Variants in SH3BGRL2 observed in about 807,000 individuals in gnomAD.
SH3BGRL2 encodes the protein SH3 domain-binding glutamic acid-rich-like protein 2.
SH3BGRL2 carries 21 observed loss-of-function variants against 14.8 expected under a neutral mutation model. That is an observed-to-expected ratio of 1.42 (90% CI 1.01 to 2.05). The LOEUF (loss-of-function observed/expected upper bound fraction) is 2.05, where lower values mean the gene tolerates loss of function less well. SH3BGRL2 is among the 30% of genes most tolerant of loss of function. SH3BGRL2 has a pLI of 0.00. For missense variants in SH3BGRL2, 147 were observed against 130.8 expected (o/e 1.12, Z -0.61); for synonymous variants, 50 against 47.8 (o/e 1.05, Z -0.19).
the SH3BGRL2 span, among the ~76,000 whole-genome samples, chr6:79,548,504 G>A: frequency 6.6e-6 from 1 of 152,156 alleles, no homozygotes; most frequent in Non-Finnish European, 1.5e-5. Flanking sequence ...TATGCTGGCA[G>A]CACTACATGT....
At chr6:79,571,688 AC>A in the SH3BGRL2 span, among the ~76,000 whole-genome samples, 2 of 152,164 alleles carry the variant, frequency 1.3e-5, no homozygotes, top group East Asian at 3.9e-4. Flanking sequence ...AAGTCCCTTT[AC>A]CTTCATGGCA....
At chr6:79,691,344 T>G (rs1033634981) in intron 2 of SH3BGRL2, among the ~76,000 whole-genome samples, 21 of 151,946 alleles carry the variant, frequency 1.4e-4, no homozygotes, top group Admixed American at 1.1e-3. Flanking sequence ...TTTTGTTTTT[T>G]TTTGTTTTTT....
intron 2 of SH3BGRL2, among the ~76,000 whole-genome samples, chr6:79,680,856 T>C (rs2127735456): frequency 6.6e-6 from 1 of 152,330 alleles, no homozygotes; most frequent in East Asian, 1.9e-4. Flanking sequence ...TAATTTTCTG[T>C]TTCAATTATT....
At chr6:79,538,480 C>T in the SH3BGRL2 span, among the ~76,000 whole-genome samples, 1 of 152,056 alleles carries the variant, frequency 6.6e-6, no homozygotes, top group Non-Finnish European at 1.5e-5. Context: ...TTTCTGTATG[C>T]GAAATACATC....
At chr6:79,699,016 C>G (rs1390078223) in intron 3 of SH3BGRL2, among the ~76,000 whole-genome samples, 2 of 151,956 alleles carry the variant, frequency 1.3e-5, no homozygotes, top group Non-Finnish European at 2.9e-5. Flanking sequence ...GAGCAGGCCA[C>G]AGAGGCCCCC....
chr6:79,630,514 C>T (rs1206692546), upstream of SH3BGRL2, among the ~76,000 whole-genome samples: 3 of 152,088 alleles, frequency 2.0e-5, no homozygotes, highest in Non-Finnish European at 2.9e-5. Flanking sequence ...TTAACAGCAT[C>T]CTCCTGGGAA....
chr6:79,562,486 A>G, the SH3BGRL2 span, among the ~76,000 whole-genome samples: 1 of 152,156 alleles, frequency 6.6e-6, no homozygotes, highest in Non-Finnish European at 1.5e-5. Flanking sequence ...GAGACTTAAA[A>G]ATCTCAGTGT....
the SH3BGRL2 span, among the ~76,000 whole-genome samples, chr6:79,590,779 C>A: frequency 6.6e-6 from 1 of 151,982 alleles, no homozygotes; most frequent in Non-Finnish European, 1.5e-5. Context: ...GAGCATCATG[C>A]AGTATACCCA....
chr6:79,580,266 T>G, the SH3BGRL2 span, among the ~76,000 whole-genome samples: 3 of 152,212 alleles, frequency 2.0e-5, no homozygotes, highest in African/African-American at 4.8e-5. Context: ...ATCCAGGACC[T>G]GAACTCAGCT....
chr6:79,631,566 C>A (rs1345746586), intron 1 of SH3BGRL2, 60 bp downstream of exon 1: 2 of 1,301,406 alleles, frequency 1.5e-6, no homozygotes, highest in East Asian at 5.9e-5. Flanking sequence ...CTGCGGGAGG[C>A]GCGCGGCGCT....
chr6:79,545,110 A>C, the SH3BGRL2 span, among the ~76,000 whole-genome samples: 29 of 152,300 alleles, frequency 1.9e-4, no homozygotes, highest in Admixed American at 1.1e-3. Flanking sequence ...AGCTGGCCTC[A>C]TGTCTCCCTG....
the SH3BGRL2 span, among the ~76,000 whole-genome samples, chr6:79,573,233 A>G: frequency 6.7e-6 from 1 of 149,720 alleles, no homozygotes; most frequent in Non-Finnish European, 1.5e-5. Context: ...TCATCTCAGC[A>G]GTATTTATTA....
chr6:79,550,667 AC>A, the SH3BGRL2 span, among the ~76,000 whole-genome samples: 2 of 152,208 alleles, frequency 1.3e-5, no homozygotes, highest in Non-Finnish European at 2.9e-5. Flanking sequence ...TTGAGTACTT[AC>A]GTCTACAGGA....
chr6:79,581,723 C>T, the SH3BGRL2 span, among the ~76,000 whole-genome samples: 1 of 152,128 alleles, frequency 6.6e-6, no homozygotes, highest in Non-Finnish European at 1.5e-5. Context: ...CCTTTGAAAA[C>T]CGGCACAAAA....
At chr6:79,609,048 AACC>A in the SH3BGRL2 span, among the ~76,000 whole-genome samples, 1 of 152,220 alleles carries the variant, frequency 6.6e-6, no homozygotes, top group Non-Finnish European at 1.5e-5. Flanking sequence ...GCAGAACTGG[AACC>A]AGGCAGGATG....
the SH3BGRL2 span, among the ~76,000 whole-genome samples, chr6:79,564,213 G>A: frequency 6.6e-6 from 1 of 151,442 alleles, no homozygotes; most frequent in Non-Finnish European, 1.5e-5. Context: ...AAAACTTCTG[G>A]GCAGTACCAA....
chr6:79,601,644 T>C, the SH3BGRL2 span, among the ~76,000 whole-genome samples: 25,236 of 152,202 alleles, frequency 0.17, 2,267 homozygotes, highest in South Asian at 0.22. Flanking sequence ...TACATACTTA[T>C]TCTCACTTGA....
the SH3BGRL2 span, among the ~76,000 whole-genome samples, chr6:79,611,691 C>A: frequency 6.6e-6 from 1 of 152,108 alleles, no homozygotes; most frequent in Non-Finnish European, 1.5e-5. Context: ...GGATTACAGG[C>A]GTGAGCCACC....
At chr6:79,673,044 A>G (rs142445788) in intron 1 of SH3BGRL2, among the ~76,000 whole-genome samples, 1 of 152,130 alleles carries the variant, frequency 6.6e-6, no homozygotes, top group East Asian at 1.9e-4. Context: ...GCTGTCATGA[A>G]TCAATGAAAT....
Sources: gnomAD v4.1 joint callset for allele counts (sites outside exome capture counted in the v4.1 genomes callset) on GRCh38, gnomAD v4.1.1 for gene constraint, MANE v1.5 for transcripts, NCBI Gene and HGNC (gene_info 2026-07-23, HGNC 2026-07-21) for gene names.